Variants in AFF3 observed in about 807,000 individuals in gnomAD.
The protein encoded by AFF3 is AF4/FMR2 family member 3.
A neutral mutation model predicts 129.7 loss-of-function variants in AFF3; 32 were observed. The ratio of observed to expected loss-of-function variants is 0.25; its 90% CI spans 0.19 to 0.33. The LOEUF (loss-of-function observed/expected upper bound fraction) is 0.33, where lower values mean the gene tolerates loss of function less well. AFF3 is among the 10% of genes least tolerant of loss of function. The pLI is 1.00. For missense variants in AFF3, 1,373 were observed against 1,592.0 expected, an observed-to-expected ratio of 0.86 and a Z score of 2.34; for synonymous variants, 644 against 635.4, an observed-to-expected ratio of 1.01 and a Z score of -0.20.
intron 8 of AFF3, among the ~76,000 whole-genome samples, chr2:99,803,390 C>A (rs1286570335): frequency 6.6e-6 from 1 of 151,946 alleles, no homozygotes; most frequent in African/African-American, 2.4e-5. Context: ...AGTGAAAGAT[C>A]TCTACAAGGG....
chr2:99,632,279 T>C (rs1225697881), intron 13 of AFF3, among the ~76,000 whole-genome samples: 2 of 152,098 alleles, frequency 1.3e-5, no homozygotes, highest in Non-Finnish European at 2.9e-5. Flanking sequence ...CCTCCCACAG[T>C]GCTGGGATTA....
At chr2:99,589,397 A>ATTTTTTTTTTT (rs55888825) in intron 15 of AFF3, among the ~76,000 whole-genome samples, 1 of 103,380 alleles carries the variant, frequency 9.7e-6, no homozygotes, top group Non-Finnish European at 1.9e-5. Flanking sequence ...AGATGTCAAC[A>ATTTTTTTTTTT]TTTTTTTTTT....
At chr2:99,918,856 G>C (rs866970168) in intron 7 of AFF3, among the ~76,000 whole-genome samples, 1 of 152,100 alleles carries the variant, frequency 6.6e-6, no homozygotes, top group East Asian at 1.9e-4. Context: ...AAAAACTTTT[G>C]CATGAAGACC....
intron 7 of AFF3, among the ~76,000 whole-genome samples, chr2:99,951,142 G>A (rs963871079): frequency 1.3e-5 from 2 of 152,134 alleles, no homozygotes; most frequent in African/African-American, 2.4e-5. Context: ...AGCAAAGAAT[G>A]AATCAAGTCA....
At chr2:99,816,752 G>C (rs1203282928) in intron 8 of AFF3, among the ~76,000 whole-genome samples, 1 of 152,212 alleles carries the variant, frequency 6.6e-6, no homozygotes, top group Non-Finnish European at 1.5e-5. Flanking sequence ...AAGAGTCTTG[G>C]TGGTGTGTCC....
At chr2:99,622,499 C>T (rs1682121363) in intron 13 of AFF3, among the ~76,000 whole-genome samples, 1 of 152,210 alleles carries the variant, frequency 6.6e-6, no homozygotes, top group African/African-American at 2.4e-5. Flanking sequence ...ATGAAATAAA[C>T]TAGAATGTGG....
intron 10 of AFF3, among the ~76,000 whole-genome samples, chr2:99,732,827 C>T (rs1679942319): frequency 6.6e-6 from 1 of 152,162 alleles, no homozygotes; most frequent in Admixed American, 6.5e-5. Flanking sequence ...AGACTTCAAA[C>T]TGATTCACAT....
At chr2:100,016,239 G>A (rs921674887) in intron 4 of AFF3, among the ~76,000 whole-genome samples, 1 of 151,324 alleles carries the variant, frequency 6.6e-6, no homozygotes, top group Non-Finnish European at 1.5e-5. Context: ...TGATGGTGGT[G>A]GGGGTGATGG....
intron 13 of AFF3, among the ~76,000 whole-genome samples, chr2:99,639,977 C>T (rs1376602153): frequency 6.6e-6 from 1 of 151,988 alleles, no homozygotes; most frequent in Non-Finnish European, 1.5e-5. Flanking sequence ...GCCACTGCAC[C>T]CGGCCCAGGA....
At chr2:99,875,879 G>A (rs1043914649) in intron 7 of AFF3, among the ~76,000 whole-genome samples, 3 of 152,118 alleles carry the variant, frequency 2.0e-5, no homozygotes, top group Admixed American at 6.5e-5. Context: ...CACAAAAGCC[G>A]TCCCTGCGAA....
intron 13 of AFF3, among the ~76,000 whole-genome samples, chr2:99,618,324 C>T (rs1374249429): frequency 6.7e-6 from 1 of 149,372 alleles, no homozygotes; most frequent in African/African-American, 2.5e-5. Flanking sequence ...CAAACTCCGC[C>T]TCCTGGGTTC....
intron 11 of AFF3, among the ~76,000 whole-genome samples, chr2:99,720,565 A>C (rs1678798723): frequency 1.3e-5 from 2 of 152,072 alleles, no homozygotes; most frequent in Non-Finnish European, 2.9e-5. Flanking sequence ...TTCTTCATAA[A>C]CCACCCAGGA....
chr2:100,084,170 C>T (rs564830134), intron 4 of AFF3, among the ~76,000 whole-genome samples: 3 of 152,314 alleles, frequency 2.0e-5, no homozygotes, highest in Non-Finnish European at 4.4e-5. Context: ...TTACAGTAAT[C>T]GGTACAGTCC....
intron 11 of AFF3, among the ~76,000 whole-genome samples, chr2:99,681,792 T>C (rs933374137): frequency 6.6e-6 from 1 of 151,476 alleles, no homozygotes; most frequent in Non-Finnish European, 1.5e-5. Flanking sequence ...CCCAATTTAT[T>C]TTGTTACTTT....
Position 99,916,134 on chromosome 2 carries a change from T to C in AFF3, c.874-78610A>G, listed in dbSNP as rs550745126. Among the ~76,000 whole-genome samples, 338 of 152,258 alleles carry C rather than the reference T, an allele frequency of 2.2e-3. 1 individual carries two copies. The highest frequency in any genetic ancestry group is 4.1e-3 in the Non-Finnish European group (282 of 68,012). On this transcript the variant is annotated intron_variant, in intron 7 of 24. Transcript: ENST00000672756. ...GGAAAAACCCCATAACAAATCAAAA[T>C]TCAGCGTTTCAAAGTGGGGTGGCCC...
At chr2:99,644,461 G>A (rs2105536218) in intron 13 of AFF3, among the ~76,000 whole-genome samples, 1 of 152,146 alleles carries the variant, frequency 6.6e-6, no homozygotes, top group East Asian at 1.9e-4. Flanking sequence ...CCAAGTTACT[G>A]CAAATGATGC....
At chr2:99,880,209 C>T (rs970804214) in intron 7 of AFF3, among the ~76,000 whole-genome samples, 4 of 152,156 alleles carry the variant, frequency 2.6e-5, no homozygotes, top group Admixed American at 1.3e-4. Flanking sequence ...AGGCATGAGC[C>T]TGGAACGGGA....
At position 99,594,163 on chromosome 2, in the gene AFF3, C is replaced by T. The variant is rs140115275; in HGVS notation, c.1498G>A (p.Val500Met). The change falls in exon 15 of 25, where the codon GTG becomes ATG. Residue 500 changes from valine (V) to methionine (M), a missense_variant. Transcript: ENST00000672756. ...GSESNQYYNPVKEDVQDCGKV... is the reference protein window; with the variant it reads ...GSESNQYYNPMKEDVQDCGKV... ...CCACAGTCCTGGACGTCCTCTTTCA[C>T]CGGGTTGTAGTACTGATTGCTCTCT... 2.5e-6 allele frequency: 4 copies of T among 1,614,144 alleles called. No individual in the cohort carries two copies. The South Asian group carries it at 3.3e-5, about 13-fold the overall frequency.
At chr2:99,699,741 T>C (rs1676657956) in intron 11 of AFF3, among the ~76,000 whole-genome samples, 3 of 152,218 alleles carry the variant, frequency 2.0e-5, no homozygotes, top group Non-Finnish European at 4.4e-5. Context: ...CAATTTCATC[T>C]ACAGCAGTGC....
Sources: allele counts gnomAD v4.1 joint callset (sites outside exome capture counted in the v4.1 genomes callset), GRCh38; gene constraint gnomAD v4.1.1; transcripts MANE v1.5; gene names NCBI Gene and HGNC (gene_info 2026-07-23, HGNC 2026-07-21).